The following MAGEB17 variants were observed in gnomAD, a reference collection of about 807,000 sequenced individuals.
MAGEB17 encodes melanoma-associated antigen B17.
For missense variants in MAGEB17, 251 were observed against 281.4 expected, an observed-to-expected ratio of 0.89 and a Z score of 0.77; for synonymous variants, 110 against 112.4, an observed-to-expected ratio of 0.98 and a Z score of 0.13.
rs1289496100 is a variant in MAGEB17 at position 16,170,547 on chromosome X, T to A, written c.165T>A (p.Asn55Lys). ...ACQSPPQSFP[N>K]AGIPQESQRA... ...AGAGTCCTCCCCAGAGCTTCCCCAA[T>A]GCAGGCATTCCTCAGGAGTCCCAGA... The change falls in exon 2 of 2, where the codon AAT (asparagine) becomes AAA (lysine). Residue 55 changes from asparagine to lysine, a missense_variant. Asn to Lys is a moderately conservative substitution (Grantham distance 94). Coordinates refer to ENST00000400004, the MANE Select transcript of MAGEB17 (RefSeq NM_001277307.2). 3 of 1,167,062 alleles carry A rather than the reference T, an allele frequency of 2.6e-6. No homozygotes were observed. The highest frequency in any genetic ancestry group is 3.4e-6 in the Non-Finnish European group (3 of 873,055).
intron 1 of MAGEB17, chrX:16,168,970 TAG>T (rs1296987658): frequency 9.0e-6 from 1 of 111,409 alleles, no homozygotes; most frequent in Non-Finnish European, 1.9e-5. Flanking sequence ...GGAGACCACA[TAG>T]AGTCTCAGCT....
intron 1 of MAGEB17, among the ~76,000 whole-genome samples, chrX:16,168,488 G>A (rs1195163800): frequency 2.7e-5 from 3 of 112,485 alleles, no homozygotes; most frequent in Non-Finnish European, 1.9e-5. Context: ...TAGCAACTTT[G>A]GGACGTGAGA....
chrX:16,171,366 C>T lies in MAGEB17; in HGVS notation c.984C>T (p.Ala328=). Residue 328 remains alanine, a synonymous_variant, in exon 2 of 2, where the codon GCC becomes GCT. Coordinates refer to ENST00000400004, the MANE Select transcript of MAGEB17 (RefSeq NM_001277307.2). The part of the protein sequence containing the change: ...ARAVARDSAR[A]RASRSFQP ...CGGTAGCCAGGGATAGCGCCAGGGCCAGGGCTAGCAGGTCCTTTCAGCCCT... is the reference window on the plus strand; with the variant it reads ...CGGTAGCCAGGGATAGCGCCAGGGCTAGGGCTAGCAGGTCCTTTCAGCCCT... The T allele has an allele frequency of 2.7e-6, 3 of 1,117,604 alleles. No individual in the cohort carries two copies. The highest frequency in any genetic ancestry group is 3.5e-6 in the Non-Finnish European group (3 of 850,585). The allele number at this position is 1,117,604 out of a possible 1,213,427, so 92.1% of individuals were successfully genotyped here.
chrX:16,170,305 G>A, intron 1 of MAGEB17, 29 bp from the exon 2 acceptor site: 2 of 1,110,462 alleles, frequency 1.8e-6, no homozygotes, highest in Middle Eastern at 3.4e-4. Context: ...CCACTGAGGG[G>A]CTCACACACT....
At chrX:16,168,316 C>A (rs765254445) in intron 1 of MAGEB17, among the ~76,000 whole-genome samples, 1 of 105,295 alleles carries the variant, frequency 9.5e-6, no homozygotes, top group East Asian at 3.0e-4. Context: ...ATGAGCGTGG[C>A]GACAGAGTGA....
chrX:16,169,093 G>A (rs1341898917), intron 1 of MAGEB17, among the ~76,000 whole-genome samples: 1 of 111,686 alleles, frequency 9.0e-6, no homozygotes, highest in Non-Finnish European at 1.9e-5. Flanking sequence ...TGCACCAATG[G>A]GCGAGGCCCC....
At position 16,170,967 on chromosome X, in the gene MAGEB17, C is replaced by A. The variant is rs918960281; in HGVS notation, c.585C>A (p.Gly195=). 2.1e-5 allele frequency: 24 copies of A among 1,165,946 alleles called. No individual in the cohort carries two copies. In the Admixed American group the frequency reaches 6.2e-4, roughly 30 times the overall value. The change falls in exon 2 of 2, where the codon GGC becomes GGA. Residue 195 remains glycine (G), a synonymous_variant. Transcript: ENST00000400004. ...AAGGAAGCTTGAGCGATGGCGGGGG[C>A]TTTCCCCTGAGCGGGCTCCTGATGG... ...PNQGSLSDGG[G]FPLSGLLMVL...
intron 1 of MAGEB17, among the ~76,000 whole-genome samples, chrX:16,169,096 G>A (rs1385915637): frequency 9.0e-6 from 1 of 111,711 alleles, no homozygotes; most frequent in Non-Finnish European, 1.9e-5. Flanking sequence ...ACCAATGGGC[G>A]AGGCCCCATT....
Position 16,170,605 on chromosome X carries a change from G to C in MAGEB17, c.223G>C (p.Val75Leu). 1 of 1,167,187 alleles carries C rather than the reference G, an allele frequency of 8.6e-7. No individual in the cohort carries two copies. The highest frequency in any genetic ancestry group is 1.1e-6 in the Non-Finnish European group (1 of 873,133). The part of the protein sequence containing the change: ...ASYPSSPASA[V>L]SLTSSDEGAK... ...CTACCCCAGCTCTCCTGCTTCAGCT[G>C]TTTCACTCACAAGTTCTGATGAAGG... Residue 75 changes from valine (V) to leucine (L), a missense_variant, in exon 2 of 2, where the codon GTT (valine) becomes CTT (leucine). Coordinates refer to ENST00000400004, the MANE Select transcript of MAGEB17 (RefSeq NM_001277307.2).
intron 1 of MAGEB17, 71 bp from the exon 2 acceptor site, chrX:16,170,263 C>T: frequency 9.2e-7 from 1 of 1,085,505 alleles, no homozygotes; most frequent in Non-Finnish European, 1.2e-6. Flanking sequence ...TCAAGGACAC[C>T]TGCATGGAGG....
Position 16,170,560 on chromosome X carries a change from C to A in MAGEB17, c.178C>A (p.Gln60Lys). The A allele has an allele frequency of 8.6e-7, 1 of 1,167,152 alleles. No individual in the cohort carries two copies. Residue 60 changes from glutamine (Q) to lysine (K), a missense_variant, in exon 2 of 2, where the codon CAG (glutamine) becomes AAG (lysine). Physicochemically the swap from Gln to Lys is moderately conservative, Grantham distance 53. Transcript: ENST00000400004. ...PQSFPNAGIP[Q>K]ESQRASYPSS... ...GAGCTTCCCCAATGCAGGCATTCCT[C>A]AGGAGTCCCAGAGAGCCAGCTACCC...
Position 16,170,486 on chromosome X carries a change from A to G in MAGEB17, c.104A>G (p.Lys35Arg), listed in dbSNP as rs781703536. The G allele has an allele frequency of 8.6e-6, 10 of 1,165,614 alleles. No homozygotes were observed. In the Admixed American group the frequency reaches 1.8e-4, roughly 21 times the overall value. ...GGTGCTCAAGCCACCGCAGCAGAGA[A>G]GGAAAAGCTGCCATCCTCCTCCTCT... is the stretch of plus-strand genomic sequence containing the variant. ...LGGAQATAAE[K>R]EKLPSSSSPA... is the part of the protein sequence containing the mutation. The change falls in exon 2 of 2, where the codon AAG (lysine) becomes AGG (arginine). Residue 35 changes from lysine (K) to arginine (R), a missense_variant. Lys to Arg is a conservative substitution (Grantham distance 26, BLOSUM62 2). Coordinates refer to ENST00000400004, the MANE Select transcript of MAGEB17 (RefSeq NM_001277307.2).
Position 16,170,874 on chromosome X carries a change from C to T in MAGEB17, c.492C>T (p.Leu164=), listed in dbSNP as rs1347586336. The change falls in exon 2 of 2, where the codon CTC becomes CTT. Residue 164 remains leucine, a synonymous_variant. Transcript: ENST00000400004. The part of the protein sequence containing the change: ...STENVEVVFG[L]YLKEMDPSRQ... ...AGAACGTAGAGGTGGTCTTTGGCCTCTACCTGAAGGAAATGGACCCCAGCC... is the reference window on the plus strand; with the variant it reads ...AGAACGTAGAGGTGGTCTTTGGCCTTTACCTGAAGGAAATGGACCCCAGCC... 1 of 1,165,963 alleles carries T rather than the reference C, an allele frequency of 8.6e-7. No homozygotes were observed. Among genetic ancestry groups the T allele is most frequent in the Non-Finnish European group, 1.1e-6 (1 of 872,920 alleles).
In MAGEB17 at chrX:16,170,860, G is replaced by T. The variant is rs1195660954; in HGVS notation, c.478G>T (p.Val160Leu). ...ILRRSTENVE[V>L]VFGLYLKEMD... The stretch of plus-strand genomic sequence containing the variant: ...CCGGAGAAGCACTGAGAACGTAGAG[G>T]TGGTCTTTGGCCTCTACCTGAAGGA... The change falls in exon 2 of 2, where the codon GTG (valine) becomes TTG (leucine). Residue 160 changes from valine (V) to leucine (L), a missense_variant. Physicochemically the swap from Val to Leu is conservative, Grantham distance 32. Coordinates refer to ENST00000400004, the MANE Select transcript of MAGEB17 (RefSeq NM_001277307.2). The T allele has an allele frequency of 7.8e-5, 91 of 1,165,970 alleles. No individual in the cohort carries two copies. The highest frequency in any genetic ancestry group is 1.0e-4 in the Non-Finnish European group (87 of 872,912).
intron 1 of MAGEB17, among the ~76,000 whole-genome samples, chrX:16,168,485 T>C (rs1421420047): frequency 1.8e-5 from 2 of 112,322 alleles, no homozygotes; most frequent in Non-Finnish European, 3.8e-5. Context: ...CTCTAGCAAC[T>C]TTGGGACGTG....
chrX:16,170,974 CT>C lies in MAGEB17; in HGVS notation c.593del (p.Leu198ArgfsTer5). ...GSLSDGGGFP[L>X]SGLLMVLLST... ...CTTGAGCGATGGCGGGGGCTTTCCC[CT>C]GAGCGGGCTCCTGATGGTTCTCCTG... On this transcript the variant is annotated frameshift_variant, in exon 2 of 2. Coordinates refer to ENST00000400004, the MANE Select transcript of MAGEB17 (RefSeq NM_001277307.2). LOFTEE classifies it low-confidence loss of function (END_TRUNC). 2 of 1,167,129 alleles carry C rather than the reference CT, an allele frequency of 1.7e-6. No individual in the cohort carries two copies. Among genetic ancestry groups the C allele is most frequent in the Non-Finnish European group, 2.3e-6 (2 of 873,019 alleles).
chrX:16,169,696 C>T (rs1460700728), intron 1 of MAGEB17, among the ~76,000 whole-genome samples: 4 of 111,339 alleles, frequency 3.6e-5, no homozygotes, highest in Non-Finnish European at 7.6e-5. Context: ...GGATAGAGGG[C>T]CCCTCACTTC....
chrX:16,168,891 G>C (rs1372893776), intron 1 of MAGEB17: 1 of 100,794 alleles, frequency 9.9e-6, no homozygotes, highest in Admixed American at 1.1e-4. Context: ...GGAGTCCCAG[G>C]CTCTGTGGGG....
At chrX:16,169,192 G>A (rs918194613) in intron 1 of MAGEB17, among the ~76,000 whole-genome samples, 4 of 111,894 alleles carry the variant, frequency 3.6e-5, no homozygotes, top group Non-Finnish European at 7.5e-5. Context: ...TTCCCAGGGA[G>A]AAGTAGGCCA....
Sources: gnomAD v4.1 joint callset for allele counts (sites outside exome capture counted in the v4.1 genomes callset) on GRCh38, gnomAD v4.1.1 for gene constraint, MANE v1.5 for transcripts, NCBI Gene and HGNC (gene_info 2026-07-23, HGNC 2026-07-21) for gene names.